AKAP12: variants seen among roughly 807,000 people sequenced by gnomAD.
The protein encoded by AKAP12 is A-kinase anchoring protein 12.
In AKAP12, 32 loss-of-function variants were observed where a neutral mutation model predicts 79.9. The observed-to-expected ratio is 0.40, with a 90% confidence interval of 0.30 to 0.54. AKAP12 has a LOEUF of 0.54. AKAP12 is among the 20% of genes least tolerant of loss of function. AKAP12 has a pLI of 0.48. For missense variants in AKAP12, 2,074 were observed against 2,177.0 expected, an observed-to-expected ratio of 0.95 and a Z score of 0.94; for synonymous variants, 808 against 857.0, an observed-to-expected ratio of 0.94 and a Z score of 1.00.
At chr6:151,340,194 A>G (rs933685073) in intron 3 of AKAP12, among the ~76,000 whole-genome samples, 6 of 150,980 alleles carry the variant, frequency 4.0e-5, no homozygotes, top group Non-Finnish European at 8.8e-5. Flanking sequence ...CGGCCTCCCA[A>G]AGTGCTGGGT....
At position 151,350,439 on chromosome 6, in the gene AKAP12, T is replaced by A; in HGVS notation, c.2048T>A (p.Ile683Asn). 6.2e-7 allele frequency: 1 copy of A among 1,613,762 alleles called. No homozygotes were observed. The highest frequency in any genetic ancestry group is 8.5e-7 in the Non-Finnish European group (1 of 1,179,982). The change falls in exon 4 of 5, where the codon ATT (isoleucine) becomes AAT (asparagine). Residue 683 changes from isoleucine (I) to asparagine (N), a missense_variant. This residue lies in a region of AKAP12 where 1,428 missense variants were observed against 1,451.0 expected (regional missense o/e 0.98). Coordinates refer to ENST00000402676, the MANE Select transcript of AKAP12 (RefSeq NM_005100.4). The surrounding 1 kb of genome is among the most constrained non-coding windows in gnomAD (Gnocchi z 4.8). The part of the protein sequence containing the change: ...VDTSVSWEAL[I>N]CVGSSKKRAR... Reference sequence around the variant, plus strand: ...ACCTCAGTATCTTGGGAAGCTTTAATTTGTGTGGGATCATCCAAGAAAAGA... The same window carrying A: ...ACCTCAGTATCTTGGGAAGCTTTAAATTGTGTGGGATCATCCAAGAAAAGA...
At position 151,240,516 on chromosome 6, in the gene AKAP12, G is replaced by A. The variant is rs1796949875; in HGVS notation, c.-47G>A. 7 of 1,389,190 alleles carry A rather than the reference G, an allele frequency of 5.0e-6. No homozygotes were observed. The East Asian group carries it at 1.5e-4, about 31-fold the overall frequency. The allele number at this position is 1,389,190 out of a possible 1,614,324, so 86.1% of individuals were successfully genotyped here. A position where few individuals can be genotyped will look rare whatever the true frequency, so the allele number is the denominator to read the frequency against. On this transcript the variant is annotated 5_prime_UTR_variant, in exon 2 of 5. Coordinates refer to ENST00000402676, the MANE Select transcript of AKAP12 (RefSeq NM_005100.4). ...TCTTGCCCCTGTCCCTGCGGCTTGGGGAAGGCGTAACCCGGCGGCTAGGCG... is the reference window on the plus strand; with the variant it reads ...TCTTGCCCCTGTCCCTGCGGCTTGGAGAAGGCGTAACCCGGCGGCTAGGCG...
At chr6:151,324,380 G>A (rs1157674493) in intron 3 of AKAP12, 1 of 985,376 alleles carries the variant, frequency 1.0e-6, no homozygotes, top group African/African-American at 1.7e-5. Context: ...CGGTTTTCAC[G>A]TTGCTCACTC....
rs751422940 is a variant in AKAP12 at position 151,305,753 on chromosome 6, C to T, written c.169C>T (p.Gln57Ter). Reference sequence around the variant, plus strand: ...GGCTTTGTCTTTTCCATAGCTCCTACAGAAGAATGGTCAGCTGTCCACCAT... The same window carrying T: ...GGCTTTGTCTTTTCCATAGCTCCTATAGAAGAATGGTCAGCTGTCCACCAT... ...AASDPATKLL[Q>*]KNGQLSTING... The change falls in exon 3 of 5, where the codon CAG becomes TAG. Residue 57 changes from glutamine (Q) to a stop codon, truncating the protein, a stop_gained. Coordinates refer to ENST00000402676, the MANE Select transcript of AKAP12 (RefSeq NM_005100.4). LOFTEE classifies it high-confidence loss of function. The T allele has an allele frequency of 3.1e-6, 5 of 1,610,010 alleles. No individual in the cohort carries two copies. Among genetic ancestry groups the T allele is most frequent in the Non-Finnish European group, 3.4e-6 (4 of 1,178,522 alleles).
chr6:151,338,388 C>T (rs1204674137), intron 3 of AKAP12, among the ~76,000 whole-genome samples: 1 of 151,916 alleles, frequency 6.6e-6, no homozygotes, highest in African/African-American at 2.4e-5. Flanking sequence ...TATAAGTTCC[C>T]TCCCCGTTTC....
At chr6:151,252,732 GA>G (rs1185564468) in intron 2 of AKAP12, among the ~76,000 whole-genome samples, 3,012 of 95,858 alleles carry the variant, frequency 0.031, 111 homozygotes, top group African/African-American at 0.11. Context: ...CTGTCTCTGG[GA>G]AAAAAAAAAA....
In AKAP12 at chr6:151,272,344, C is replaced by CAAA. The variant is rs369696858; in HGVS notation, c.162+31633_162+31635dup. Among the ~76,000 whole-genome samples the CAAA allele has an allele frequency of 3.1e-3, 296 of 95,238 alleles. 8 individuals carry two copies. Among genetic ancestry groups the CAAA allele is most frequent in the African/African-American group, 7.7e-3 (178 of 23,258 alleles). 62.5% of individuals were successfully genotyped at this position (95,238 alleles called of 152,430 possible). A position where few individuals can be genotyped will look rare whatever the true frequency, so the allele number is the denominator to read the frequency against. On this transcript the variant is annotated intron_variant, in intron 2 of 4. Coordinates refer to ENST00000402676, the MANE Select transcript of AKAP12 (RefSeq NM_005100.4). Reference sequence around the variant, plus strand: ...TGAGTGACACAGTGAGACCCTGTTTCAAAAAAAAAAAAAAACAAAAAAAAC... The same window carrying CAAA: ...TGAGTGACACAGTGAGACCCTGTTTCAAAAAAAAAAAAAAAAAACAAAAAAAAC...
intron 4 of AKAP12, among the ~76,000 whole-genome samples, chr6:151,354,015 CAT>C (rs1491062888): frequency 3.3e-5 from 5 of 152,096 alleles, no homozygotes; most frequent in African/African-American, 4.8e-5. Flanking sequence ...AATAAAACGG[CAT>C]GTGTGTGTGC....
intron 3 of AKAP12, among the ~76,000 whole-genome samples, chr6:151,337,571 C>G (rs1777850442): frequency 6.8e-6 from 1 of 147,754 alleles, no homozygotes; most frequent in Non-Finnish European, 1.5e-5. Context: ...AGTTGGAAAA[C>G]TAAAATGAAT....
chr6:151,284,359 C>T (rs916639334), intron 2 of AKAP12, among the ~76,000 whole-genome samples: 1 of 152,176 alleles, frequency 6.6e-6, no homozygotes, highest in African/African-American at 2.4e-5. Context: ...GGTGTGGTGG[C>T]TAACACCTGT....
chr6:151,314,469 T>C (rs1210894991), intron 3 of AKAP12, among the ~76,000 whole-genome samples: 3 of 152,200 alleles, frequency 2.0e-5, no homozygotes, highest in Non-Finnish European at 4.4e-5. Flanking sequence ...CCTTCACAAA[T>C]GTGGCCACTA....
At chr6:151,255,899 T>C (rs546870819) in intron 2 of AKAP12, among the ~76,000 whole-genome samples, 1 of 152,316 alleles carries the variant, frequency 6.6e-6, no homozygotes, top group East Asian at 1.9e-4. Flanking sequence ...GAACTTGAAC[T>C]TGGGGTCTTT....
intron 3 of AKAP12, among the ~76,000 whole-genome samples, chr6:151,321,798 A>C (rs1777394326): frequency 6.6e-6 from 1 of 151,834 alleles, no homozygotes; most frequent in Admixed American, 6.6e-5. Flanking sequence ...TTACCTTCCC[A>C]ATAGCGATGT....
intron 2 of AKAP12, among the ~76,000 whole-genome samples, chr6:151,264,865 A>T (rs1016604597): frequency 1.3e-5 from 2 of 151,936 alleles, no homozygotes; most frequent in Non-Finnish European, 2.9e-5. Context: ...CTAAAAGTTT[A>T]TGTTGGCCGG....
intron 4 of AKAP12, among the ~76,000 whole-genome samples, chr6:151,354,319 CTG>C (rs1256864995): frequency 7.6e-6 from 1 of 131,976 alleles, no homozygotes; most frequent in African/African-American, 3.6e-5. Context: ...CCGACCCTCA[CTG>C]TGTTAGTTAC....
chr6:151,350,743 A>G lies in AKAP12; in HGVS notation c.2352A>G (p.Ile784Met). ...TGGAAGAGAAAAGCGAAGACTCCAT[A>G]GCTGGGTCTGGTGTAGAACATTCCA... ...SKLEEKSEDSIAGSGVEHSTP... is the reference protein window; with the variant it reads ...SKLEEKSEDSMAGSGVEHSTP... The change falls in exon 4 of 5, where the codon ATA becomes ATG. Residue 784 changes from isoleucine (I) to methionine (M), a missense_variant. Coordinates refer to ENST00000402676, the MANE Select transcript of AKAP12 (RefSeq NM_005100.4). This position sits in a 1 kb window ranked among gnomAD's most constrained non-coding sequence, Gnocchi z 4.8. 6.2e-7 allele frequency: 1 copy of G among 1,614,136 alleles called. No individual in the cohort carries two copies. Among genetic ancestry groups the G allele is most frequent in the Non-Finnish European group, 8.5e-7 (1 of 1,180,028 alleles).
chr6:151,252,497 G>C (rs994233459), intron 2 of AKAP12, among the ~76,000 whole-genome samples: 1 of 151,938 alleles, frequency 6.6e-6, no homozygotes, highest in African/African-American at 2.4e-5. Context: ...TGCCTGGCCA[G>C]AAAGTCAAGT....
At chr6:151,355,270 T>G (rs1778413942) in intron 4 of AKAP12, among the ~76,000 whole-genome samples, 1 of 152,012 alleles carries the variant, frequency 6.6e-6, no homozygotes, top group Non-Finnish European at 1.5e-5. Context: ...ATTACAGGCA[T>G]GAGCCACCGC....
At chr6:151,333,643 TG>T (rs1483972644) in intron 3 of AKAP12, among the ~76,000 whole-genome samples, 4 of 150,322 alleles carry the variant, frequency 2.7e-5, no homozygotes, top group African/African-American at 9.8e-5. Flanking sequence ...CTCGGGAGGC[TG>T]AGGCAGGAAA....
Sources: allele counts gnomAD v4.1 joint callset (sites outside exome capture counted in the v4.1 genomes callset), GRCh38; gene constraint gnomAD v4.1.1; regional missense constraint gnomAD v4.1.1; non-coding constraint Gnocchi (gnomAD v3.1); transcripts MANE v1.5; gene names NCBI Gene and HGNC (gene_info 2026-07-23, HGNC 2026-07-21).